POLE: variants seen among roughly 807,000 people sequenced by gnomAD.
The protein encoded by POLE is DNA polymerase epsilon, catalytic subunit.
A neutral mutation model predicts 279.2 loss-of-function variants in POLE; 188 were observed. The ratio of observed to expected loss-of-function variants is 0.67; its 90% CI spans 0.60 to 0.76. POLE has a LOEUF of 0.76. POLE is among the 30% of genes least tolerant of loss of function. The probability of loss-of-function intolerance (pLI) is 0.00; values close to 1 mark genes in which losing one functional copy is unlikely to be tolerated. For missense variants in POLE, 2,703 were observed against 3,016.7 expected, an observed-to-expected ratio of 0.90 and a Z score of 2.44; for synonymous variants, 1,214 against 1,172.5, an observed-to-expected ratio of 1.04 and a Z score of -0.72.
At chr12:132,627,418 G>A (rs2041859894) in intron 45 of POLE, among the ~76,000 whole-genome samples, 1 of 152,096 alleles carries the variant, frequency 6.6e-6, no homozygotes, top group African/African-American at 2.4e-5. Flanking sequence ...TTCTACCTCA[G>A]CCTTCCCAGT....
At chr12:132,667,712 C>T in intron 19 of POLE, 64 bp from the exon 20 acceptor site, 1 of 1,552,360 alleles carries the variant, frequency 6.4e-7, no homozygotes, top group Non-Finnish European at 8.8e-7. Flanking sequence ...GGAGCCAGGG[C>T]ACAGGGGTGC....
chr12:132,626,003 C>G, intron 46 of POLE, 114 bp downstream of exon 46: 1 of 1,171,684 alleles, frequency 8.5e-7, no homozygotes, highest in South Asian at 1.4e-5. Context: ...CCATGTGAGT[C>G]AGAGGGGCAG....
chr12:132,676,555 G>A lies in POLE; in HGVS notation c.900C>T (p.Ile300=), dbSNP rs1161210567. ...GAAGCCACCTGCTCACCTGGCCATC[G>A]ATCATGTAGGAAATCATCATAATCT... ...TDQIMMISYM[I]DGQGYLITNR... The change falls in exon 9 of 49, where the codon ATC becomes ATT. Residue 300 remains isoleucine (I), a synonymous_variant. Coordinates refer to ENST00000320574, the MANE Select transcript of POLE (RefSeq NM_006231.4). 28 of 1,611,644 alleles carry A rather than the reference G, an allele frequency of 1.7e-5. No homozygotes were observed. Among genetic ancestry groups the A allele is most frequent in the East Asian group, 2.2e-5 (1 of 44,874 alleles).
chr12:132,636,103 A>G (rs2042027130), intron 41 of POLE, 79 bp from the exon 42 acceptor site: 3 of 1,448,792 alleles, frequency 2.1e-6, no homozygotes, highest in Admixed American at 2.0e-5. Flanking sequence ...CCTTGTATCT[A>G]TCTGTACCCT....
chr12:132,647,807 T>C (rs7954928), intron 32 of POLE, among the ~76,000 whole-genome samples: 76,124 of 151,588 alleles, frequency 0.5, 19,715 homozygotes, highest in East Asian at 0.7. Context: ...CTGTTCTCTG[T>C]GGTCTCGATG....
chr12:132,664,040 G>A lies in POLE; in HGVS notation c.2670C>T (p.Ile890=), dbSNP rs779851859. ...TTNVKKPKVT[I]SYPGAMLNIM... is the part of the protein sequence containing the mutation. ...TGTTCAACATGGCGCCTGGGTAGGA[G>A]ATGGTCACTTTGGGCTTCTTCACAT... Residue 890 remains isoleucine (I), a synonymous_variant, in exon 23 of 49, where the codon ATC becomes ATT. Coordinates refer to ENST00000320574, the MANE Select transcript of POLE (RefSeq NM_006231.4). The surrounding 1 kb of genome is among the most constrained non-coding windows in gnomAD (Gnocchi z 5.3). 9 of 1,614,230 alleles carry A rather than the reference G, an allele frequency of 5.6e-6. No homozygotes were observed. The East Asian group carries it at 6.7e-5, about 12-fold the overall frequency.
chr12:132,672,624 C>T lies in POLE; in HGVS notation c.1686+3G>A, dbSNP rs1060500868. ...GAATCTGAATCCCAGGGAAGAAGCA[C>T]ACCATCCTAAACCGGCAAGGGATAT... On this transcript the variant is annotated splice_donor_region_variant and intron_variant, in intron 15 of 48. Transcript: ENST00000320574. 6.2e-7 allele frequency: 1 copy of T among 1,613,776 alleles called. No individual in the cohort carries two copies. Among genetic ancestry groups the T allele is most frequent in the Non-Finnish European group, 8.5e-7 (1 of 1,179,790 alleles).
chr12:132,646,146 T>TA (rs1444470527), intron 32 of POLE, among the ~76,000 whole-genome samples: 3 of 152,178 alleles, frequency 2.0e-5, no homozygotes, highest in African/African-American at 4.8e-5. Flanking sequence ...CAATTTGGGA[T>TA]AATTTGAGTC....
chr12:132,638,546 A>G (rs1470625243), intron 40 of POLE: 2 of 168,666 alleles, frequency 1.2e-5, no homozygotes, highest in East Asian at 3.5e-4. Context: ...GCAGTTGGGT[A>G]ATAATCCCCG....
chr12:132,648,273 G>T (rs1486898348), intron 32 of POLE, among the ~76,000 whole-genome samples: 1 of 152,062 alleles, frequency 6.6e-6, no homozygotes, highest in African/African-American at 2.4e-5. Context: ...ACTGAGGGCT[G>T]GGGGAGGATG....
intron 45 of POLE, among the ~76,000 whole-genome samples, chr12:132,627,782 T>G: frequency 6.6e-6 from 1 of 152,218 alleles, no homozygotes; most frequent in Admixed American, 6.5e-5. Flanking sequence ...AAACGGCTGC[T>G]GACTGATCAG....
chr12:132,665,269 C>T, intron 21 of POLE, 33 bp downstream of exon 21: 1 of 1,605,986 alleles, frequency 6.2e-7, no homozygotes, highest in Non-Finnish European at 8.5e-7. Context: ...TCCATTCCTC[C>T]CATAAGCCTC....
At position 132,624,753 on chromosome 12, in the gene POLE, A is replaced by G; in HGVS notation, c.6805T>C (p.Tyr2269His). 6.2e-7 allele frequency: 1 copy of G among 1,613,902 alleles called. No individual in the cohort carries two copies. The highest frequency in any genetic ancestry group is 8.5e-7 in the Non-Finnish European group (1 of 1,179,766). Reference sequence around the variant, plus strand: ...AGCCACTCCAGGGTCTCCAGGAGGTACGACATGCCGTAGTGCTGGGCAATG... The same window carrying G: ...AGCCACTCCAGGGTCTCCAGGAGGTGCGACATGCCGTAGTGCTGGGCAATG... ...RNIAQHYGMS[Y>H]LLETLEWLLQ... Residue 2269 changes from tyrosine (Y) to histidine (H), a missense_variant, in exon 49 of 49, where the codon TAC becomes CAC. Physicochemically the swap from Tyr to His is moderately conservative, Grantham distance 83. Transcript: ENST00000320574.
Position 132,639,379 on chromosome 12 carries a change from C to T in POLE, c.5379-81G>A. On this transcript the variant is annotated intron_variant, in intron 39 of 48. Transcript: ENST00000320574. This position sits in a 1 kb window ranked among gnomAD's most constrained non-coding sequence, Gnocchi z 4.7. ...CGCGGGACGCTCCAACTGAAATGGG[C>T]ACAGGTTTTCCCTACACGGCTGGGT... 1 of 1,357,926 alleles carries T rather than the reference C, an allele frequency of 7.4e-7. No individual in the cohort carries two copies. The highest frequency in any genetic ancestry group is 1.0e-6 in the Non-Finnish European group (1 of 974,568). The allele number at this position is 1,357,926 out of a possible 1,614,324, so 84.1% of individuals were successfully genotyped here. A position where few individuals can be genotyped will look rare whatever the true frequency, so the allele number is the denominator to read the frequency against.
intron 29 of POLE, 115 bp from the exon 30 acceptor site, chr12:132,650,004 A>T: frequency 1.2e-6 from 1 of 824,086 alleles, no homozygotes; most frequent in Non-Finnish European, 1.9e-6. Flanking sequence ...TGGGGCCAGG[A>T]GTTTGAGACC....
At position 132,634,457 on chromosome 12, in the gene POLE, C is replaced by G. The variant is rs929459344; in HGVS notation, c.5812-79G>C. 1 of 1,418,132 alleles carries G rather than the reference C, an allele frequency of 7.1e-7. No individual in the cohort carries two copies. Among genetic ancestry groups the G allele is most frequent in the Middle Eastern group, 2.2e-4 (1 of 4,532 alleles). The allele number at this position is 1,418,132 out of a possible 1,614,324, so 87.8% of individuals were successfully genotyped here. ...GGGTAGGATGCCACAGCGAAGGCTC[C>G]TCCAACCTGGGTCCATCTGCCCCGT... On this transcript the variant is annotated intron_variant, in intron 42 of 48. Transcript: ENST00000320574. This position sits in a 1 kb window ranked among gnomAD's most constrained non-coding sequence, Gnocchi z 4.0.
chr12:132,678,832 G>A (rs895282136), intron 6 of POLE, among the ~76,000 whole-genome samples: 7 of 152,196 alleles, frequency 4.6e-5, no homozygotes, highest in African/African-American at 1.7e-4. Flanking sequence ...AGACAGACGA[G>A]TCTCAGATAT....
rs781431436 is a variant in POLE, at chr12:132,675,831, G to A, written c.1021-11C>T. 5 of 1,605,566 alleles carry A rather than the reference G, an allele frequency of 3.1e-6. No homozygotes were observed. The East Asian group carries it at 8.9e-5, about 29-fold the overall frequency. On this transcript the variant is annotated splice_polypyrimidine_tract_variant and intron_variant, in intron 10 of 48. Transcript: ENST00000320574. This position sits in a 1 kb window ranked among gnomAD's most constrained non-coding sequence, Gnocchi z 4.3. Reference sequence around the variant, plus strand: ...TTGGATCAGATGAGCCTGAACCCAAGTCACAGCAGTCAGAGGTCTGCTCTT... The same window carrying A: ...TTGGATCAGATGAGCCTGAACCCAAATCACAGCAGTCAGAGGTCTGCTCTT...
rs775867327 is a variant in POLE, at chr12:132,639,196, C to A, written c.5481G>T (p.Ser1827=). 2 of 1,614,004 alleles carry A rather than the reference C, an allele frequency of 1.2e-6. No homozygotes were observed. The highest frequency in any genetic ancestry group is 1.7e-6 in the Non-Finnish European group (2 of 1,179,936). The change falls in exon 40 of 49, where the codon TCG becomes TCT. Residue 1827 remains serine (S), a synonymous_variant. Coordinates refer to ENST00000320574, the MANE Select transcript of POLE (RefSeq NM_006231.4). This position sits in a 1 kb window ranked among gnomAD's most constrained non-coding sequence, Gnocchi z 4.7. ...CAGGGTCATGAAGCAGAGAGGATGG[C>A]GACCGAAGCCAGCGGTAGAAGTGCA... is the stretch of plus-strand genomic sequence containing the variant. ...QVMHFYRWLR[S]PSSLLHDPAL... is the part of the protein sequence containing the mutation.
Sources: allele counts gnomAD v4.1 joint callset (sites outside exome capture counted in the v4.1 genomes callset), GRCh38; gene constraint gnomAD v4.1.1; non-coding constraint Gnocchi (gnomAD v3.1); transcripts MANE v1.5; gene names NCBI Gene and HGNC (gene_info 2026-07-23, HGNC 2026-07-21).